Variants in OSBPL6 observed in about 807,000 individuals in gnomAD.
OSBPL6 encodes the protein oxysterol binding protein like 6.
OSBPL6 carries 49 observed loss-of-function variants against 125.8 expected under a neutral mutation model. That is an observed-to-expected ratio of 0.39 (90% confidence interval 0.31 to 0.49). The LOEUF (loss-of-function observed/expected upper bound fraction) is 0.49, where lower values mean the gene tolerates loss of function less well. Ranked by LOEUF, OSBPL6 falls within the 20% of genes least tolerant of loss-of-function variation. The probability of loss-of-function intolerance (pLI) is 0.88; values close to 1 mark genes in which losing one functional copy is unlikely to be tolerated. For missense variants in OSBPL6, 986 were observed against 1,135.4 expected (o/e 0.87, Z 1.89); for synonymous variants, 394 against 391.8 (o/e 1.01, Z -0.07).
At position 178,389,091 on chromosome 2, in the gene OSBPL6, G is replaced by A. The variant is rs1240296999; in HGVS notation, c.2239G>A (p.Gly747Arg). Reference protein sequence around the residue: ...LSGRRWIEHYGEVTIRNTKSS... With the variant: ...LSGRRWIEHYREVTIRNTKSS... ...TGGGAGAAGATGGATAGAACATTAT[G>A]GAGAAGTAACCATCAGAAATACCAA... The change falls in exon 21 of 25, where the codon GGA becomes AGA. Residue 747 changes from glycine to arginine, a missense_variant. Gly to Arg is a moderately radical substitution (Grantham distance 125, BLOSUM62 -2). Transcript: ENST00000190611. The A allele has an allele frequency of 6.2e-7, 1 of 1,613,960 alleles. No individual in the cohort carries two copies. Among genetic ancestry groups the A allele is most frequent in the Non-Finnish European group, 8.5e-7 (1 of 1,179,950 alleles).
chr2:178,223,051 T>C (rs1229979291), intron 1 of OSBPL6, among the ~76,000 whole-genome samples: 2 of 152,236 alleles, frequency 1.3e-5, no homozygotes, highest in Non-Finnish European at 2.9e-5. Flanking sequence ...TTTTTTGTTG[T>C]TGCCATAAGC....
chr2:178,384,454 T>C (rs1262906271), intron 18 of OSBPL6, among the ~76,000 whole-genome samples: 2 of 152,148 alleles, frequency 1.3e-5, no homozygotes, highest in African/African-American at 2.4e-5. Context: ...CATCAATCAA[T>C]ATATGTAAGA....
intron 9 of OSBPL6, among the ~76,000 whole-genome samples, chr2:178,336,912 G>T (rs893310836): frequency 2.6e-5 from 4 of 152,044 alleles, no homozygotes; most frequent in Non-Finnish European, 2.9e-5. Context: ...CTGACAACTC[G>T]GCAATAAATG....
chr2:178,339,146 C>T, intron 10 of OSBPL6, 52 bp downstream of exon 10: 1 of 1,139,972 alleles, frequency 8.8e-7, no homozygotes, highest in South Asian at 1.4e-5. Context: ...AATTAATACT[C>T]TTTATTGGGT....
In OSBPL6 at chr2:178,218,633, C is replaced by CTTT. The variant is rs10699137; in HGVS notation, c.-351+23971_-351+23973dup. On this transcript the variant is annotated intron_variant, in intron 1 of 24. Transcript: ENST00000190611. ...CGTCTTTTATCCCCCTTCTTTCTTT[C>CTTT]TTTTTTTTTTTTTTCTGATGGAGTC... Among the ~76,000 whole-genome samples the CTTT allele has an allele frequency of 6.6e-3, 906 of 137,384 alleles. 23 individuals are homozygous for CTTT. The highest frequency in any genetic ancestry group is 0.02 in the African/African-American group (711 of 36,312). 90.1% of individuals were successfully genotyped at this position (137,384 alleles called of 152,430 possible).
chr2:178,392,625 G>A (rs1206999851), intron 23 of OSBPL6, 87 bp downstream of exon 23: 1 of 1,504,194 alleles, frequency 6.6e-7, no homozygotes, highest in East Asian at 2.4e-5. Flanking sequence ...GAAGGCTGAG[G>A]AGGGAAGATC....
intron 1 of OSBPL6, among the ~76,000 whole-genome samples, chr2:178,225,087 G>C (rs954515750): frequency 6.6e-6 from 1 of 151,612 alleles, no homozygotes; most frequent in African/African-American, 2.4e-5. Flanking sequence ...TGCCAGGACG[G>C]CTATTATGAC....
At chr2:178,310,239 C>T (rs1307442299) in intron 3 of OSBPL6, among the ~76,000 whole-genome samples, 1 of 152,078 alleles carries the variant, frequency 6.6e-6, no homozygotes, top group African/African-American at 2.4e-5. Context: ...TTCACCTGCC[C>T]TCAATACTTA....
intron 11 of OSBPL6, among the ~76,000 whole-genome samples, chr2:178,346,760 G>T (rs1254138282): frequency 6.6e-6 from 1 of 152,128 alleles, no homozygotes; most frequent in Non-Finnish European, 1.5e-5. Flanking sequence ...TAAGTCCCCA[G>T]TCTGAACAGA....
intron 3 of OSBPL6, among the ~76,000 whole-genome samples, chr2:178,306,935 T>C (rs879326373): frequency 7.9e-5 from 12 of 152,330 alleles, no homozygotes; most frequent in Admixed American, 3.3e-4. Flanking sequence ...CTTCATCGTA[T>C]GAATGTTCTT....
At chr2:178,211,856 G>C (rs2089877305) in intron 1 of OSBPL6, among the ~76,000 whole-genome samples, 1 of 152,102 alleles carries the variant, frequency 6.6e-6, no homozygotes, top group African/African-American at 2.4e-5. Flanking sequence ...GTAAGTGGTG[G>C]TTAGGAACTC....
intron 1 of OSBPL6, among the ~76,000 whole-genome samples, chr2:178,274,028 C>T (rs80077072): frequency 0.021 from 3,156 of 152,190 alleles, 98 homozygotes; most frequent in African/African-American, 0.072. Flanking sequence ...ACATTGGGCA[C>T]GTGGTAAGCA....
At chr2:178,289,831 A>C (rs1403583704) in intron 2 of OSBPL6, among the ~76,000 whole-genome samples, 3 of 131,942 alleles carry the variant, frequency 2.3e-5, no homozygotes, top group Non-Finnish European at 5.2e-5. Flanking sequence ...TTTTTTCTCT[A>C]TTACTCAGAT....
intron 5 of OSBPL6, among the ~76,000 whole-genome samples, chr2:178,329,062 C>T (rs936233013): frequency 2.6e-4 from 39 of 152,200 alleles, no homozygotes; most frequent in African/African-American, 9.4e-4. Flanking sequence ...GAACTAATTC[C>T]CTGTTGCTGG....
chr2:178,289,502 G>A (rs553012586), intron 2 of OSBPL6, among the ~76,000 whole-genome samples: 1 of 152,128 alleles, frequency 6.6e-6, no homozygotes, highest in Admixed American at 6.5e-5. Context: ...TTTCCAGTAG[G>A]CATATTTTAA....
At chr2:178,194,076 G>A (rs62177189), upstream of OSBPL6, among the ~76,000 whole-genome samples, 4,403 of 152,308 alleles carry the variant, frequency 0.029, 83 homozygotes, top group Non-Finnish European at 0.044. Context: ...CTCCTGGGCC[G>A]AGCGCTGGAG....
At chr2:178,313,426 G>T (rs1687465173) in intron 3 of OSBPL6, among the ~76,000 whole-genome samples, 1 of 152,112 alleles carries the variant, frequency 6.6e-6, no homozygotes, top group South Asian at 2.1e-4. Flanking sequence ...TCTGTTATGG[G>T]TGAATTCTTA....
chr2:178,355,255 A>G (rs1020864025), intron 12 of OSBPL6, among the ~76,000 whole-genome samples: 1 of 151,830 alleles, frequency 6.6e-6, no homozygotes, highest in African/African-American at 2.4e-5. Flanking sequence ...ACTGAAAGAG[A>G]TAGAGACACA....
chr2:178,237,314 A>G (rs949191702), intron 1 of OSBPL6, among the ~76,000 whole-genome samples: 1 of 151,476 alleles, frequency 6.6e-6, no homozygotes, highest in African/African-American at 2.4e-5. Context: ...AGTAAGATCA[A>G]GGCTATCAGA....
Sources: allele counts gnomAD v4.1 joint callset (sites outside exome capture counted in the v4.1 genomes callset), GRCh38; gene constraint gnomAD v4.1.1; transcripts MANE v1.5; gene names NCBI Gene and HGNC (gene_info 2026-07-23, HGNC 2026-07-21).